Variants in WDR88 observed in about 807,000 individuals in gnomAD.
The protein encoded by WDR88 is WD repeat domain 88, also known as WD repeat-containing protein 88.
WDR88 carries 40 observed loss-of-function variants against 46.8 expected under a neutral mutation model. The ratio of observed to expected loss-of-function variants is 0.86; its 90% CI spans 0.66 to 1.11. WDR88 has a LOEUF of 1.11. WDR88 is among the 50% of genes most tolerant of loss of function. WDR88 has a pLI of 0.00. For missense variants in WDR88, 562 were observed against 602.4 expected, an observed-to-expected ratio of 0.93 and a Z score of 0.70; for synonymous variants, 235 against 240.7, an observed-to-expected ratio of 0.98 and a Z score of 0.22.
At chr19:33,159,289 C>T (rs962212981) in intron 7 of WDR88, among the ~76,000 whole-genome samples, 1 of 151,566 alleles carries the variant, frequency 6.6e-6, no homozygotes, top group Admixed American at 6.6e-5. Context: ...GAGCTGATTG[C>T]ATCACTGCAC....
At chr19:33,146,423 T>C (rs1973514244) in intron 3 of WDR88, among the ~76,000 whole-genome samples, 1 of 152,098 alleles carries the variant, frequency 6.6e-6, no homozygotes, top group Non-Finnish European at 1.5e-5. Flanking sequence ...CCTTGTGTGT[T>C]AGGTCCTATT....
chr19:33,174,409 T>A, intron 10 of WDR88: 1 of 1,394,936 alleles, frequency 7.2e-7, no homozygotes, highest in Non-Finnish European at 9.3e-7. Context: ...CAGGCTCTTC[T>A]CCAGGGGACC....
chr19:33,142,690 G>C (rs1056038829), intron 2 of WDR88: 1 of 151,434 alleles, frequency 6.6e-6, no homozygotes, highest in Non-Finnish European at 1.5e-5. Flanking sequence ...CAGCAGTCCC[G>C]GGGGGCCCTT....
At chr19:33,141,426 C>T (rs1450514093) in intron 2 of WDR88, among the ~76,000 whole-genome samples, 1 of 151,944 alleles carries the variant, frequency 6.6e-6, no homozygotes, top group African/African-American at 2.4e-5. Context: ...GATGGGATCT[C>T]CCTGTGTTGC....
chr19:33,155,287 T>C (rs1973713053), intron 6 of WDR88, among the ~76,000 whole-genome samples: 1 of 152,062 alleles, frequency 6.6e-6, no homozygotes, highest in African/African-American at 2.4e-5. Flanking sequence ...ACTACAGGCA[T>C]GTGCCACCAT....
At chr19:33,133,143 C>A (rs564488795) in intron 1 of WDR88, among the ~76,000 whole-genome samples, 11 of 135,192 alleles carry the variant, frequency 8.1e-5, no homozygotes, top group African/African-American at 3.3e-4. Flanking sequence ...GGCAACAGAG[C>A]GAGACTGTCT....
In WDR88 at chr19:33,151,279, A is replaced by G. The variant is rs771826170; in HGVS notation, c.778A>G (p.Thr260Ala). Residue 260 changes from threonine (T) to alanine (A), a missense_variant, in exon 6 of 11, where the codon ACA (threonine) becomes GCA (alanine). Thr to Ala is a moderately conservative substitution (Grantham distance 58). Transcript: ENST00000355868. ...CAGGTGCATCAAGATCTGGGATGTT[A>G]CATCCCAGGCCACGCTGCTCACCAT... ...LDRCIKIWDV[T>A]SQATLLTITK... The G allele has an allele frequency of 1.9e-6, 3 of 1,613,624 alleles. No homozygotes were observed. The highest frequency in any genetic ancestry group is 1.7e-5 in the Admixed American group (1 of 59,972).
At chr19:33,138,655 T>G (rs1312641104) in intron 2 of WDR88, among the ~76,000 whole-genome samples, 1 of 137,748 alleles carries the variant, frequency 7.3e-6, no homozygotes, top group Admixed American at 7.4e-5. Flanking sequence ...CCCCCACACC[T>G]TTTTTTTTTT....
chr19:33,144,977 G>C (rs71351714), intron 3 of WDR88, 45 bp downstream of exon 3: 5 of 1,571,908 alleles, frequency 3.2e-6, no homozygotes, highest in Non-Finnish European at 3.5e-6. Context: ...AGGGTGAGCA[G>C]GCATGCCATA....
At chr19:33,133,198 TAGAG>T (rs766958277) in intron 1 of WDR88, among the ~76,000 whole-genome samples, 5 of 79,814 alleles carry the variant, frequency 6.3e-5, no homozygotes, top group East Asian at 3.6e-4. Flanking sequence ...TAAATAAATA[TAGAG>T]AGAGAGAGAG....
At chr19:33,158,991 C>T (rs1009473639) in intron 7 of WDR88, among the ~76,000 whole-genome samples, 5 of 152,074 alleles carry the variant, frequency 3.3e-5, no homozygotes, top group African/African-American at 1.2e-4. Context: ...TGAGCCACCA[C>T]ACCTGGGCTT....
rs367862841 is a variant in WDR88, at chr19:33,160,811, G to A, written c.1080+315G>A. Among the ~76,000 whole-genome samples, 100 of 152,240 alleles carry A rather than the reference G, an allele frequency of 6.6e-4. 1 individual carries two copies. Among genetic ancestry groups the A allele is most frequent in the Middle Eastern group, 6.8e-3 (2 of 294 alleles). The stretch of plus-strand genomic sequence containing the variant: ...ATAAGTGGGGATCTTGAAGAAGAAG[G>A]GCAGTCCAGGCAGATGGAACAGCTG... On this transcript the variant is annotated intron_variant, in intron 8 of 10. Coordinates refer to ENST00000355868, the MANE Select transcript of WDR88 (RefSeq NM_173479.4).
intron 10 of WDR88, chr19:33,174,467 C>T: frequency 1.0e-6 from 1 of 985,396 alleles, no homozygotes; most frequent in Non-Finnish European, 1.2e-6. Context: ...GCCTAGGAGA[C>T]CTCATCCCAT....
rs376931919 is a variant in WDR88 at position 33,132,166 on chromosome 19, C to T, written c.-4C>T. On this transcript the variant is annotated 5_prime_UTR_variant, in exon 1 of 11. Transcript: ENST00000355868. Reference sequence around the variant, plus strand: ...CGGCGGCCACCGGCGGACCGGGCTTCGAGATGGCCTCCCCGCCGCGGTGCT... The same window carrying T: ...CGGCGGCCACCGGCGGACCGGGCTTTGAGATGGCCTCCCCGCCGCGGTGCT... 1.3e-4 allele frequency: 204 copies of T among 1,583,734 alleles called. No individual in the cohort carries two copies. The highest frequency in any genetic ancestry group is 2.0e-5 in the Non-Finnish European group (23 of 1,167,772).
chr19:33,174,946 A>G, intron 10 of WDR88: 13 of 985,466 alleles, frequency 1.3e-5, no homozygotes, highest in Non-Finnish European at 1.6e-5. Flanking sequence ...TAGAGATTCC[A>G]GAGAGGGGCT....
chr19:33,147,758 C>A (rs778227947), intron 4 of WDR88, 50 bp downstream of exon 4: 2 of 1,579,344 alleles, frequency 1.3e-6, no homozygotes, highest in Non-Finnish European at 8.7e-7. Context: ...AGGGGCTTGA[C>A]CAAGCCTCAG....
intron 2 of WDR88, among the ~76,000 whole-genome samples, chr19:33,138,766 T>G (rs1457067206): frequency 4.7e-5 from 7 of 148,806 alleles, no homozygotes; most frequent in Non-Finnish European, 1.0e-4. Context: ...TCACTACAAC[T>G]TCCGCCTCTG....
At chr19:33,135,891 CTTTT>C (rs568251587) in intron 1 of WDR88, among the ~76,000 whole-genome samples, 4 of 150,870 alleles carry the variant, frequency 2.7e-5, no homozygotes, top group Non-Finnish European at 5.9e-5. Context: ...TTCTTTCTTT[CTTTT>C]CTTTTATTTT....
At chr19:33,139,960 C>G (rs1403782732) in intron 2 of WDR88, among the ~76,000 whole-genome samples, 1 of 152,158 alleles carries the variant, frequency 6.6e-6, no homozygotes, top group African/African-American at 2.4e-5. Context: ...CTCCCTGGGT[C>G]TGCCCATGCT....
Sources: gnomAD v4.1 joint callset for allele counts (sites outside exome capture counted in the v4.1 genomes callset) on GRCh38, gnomAD v4.1.1 for gene constraint, MANE v1.5 for transcripts, NCBI Gene and HGNC (gene_info 2026-07-23, HGNC 2026-07-21) for gene names.